Variants in ABCA1 observed in about 807,000 individuals in gnomAD.
ABCA1 encodes the protein phospholipid-transporting ATPase ABCA1.
Under a neutral mutation model 262.5 loss-of-function variants are expected in ABCA1, and 133 were observed. That is an observed-to-expected ratio of 0.51 (90% CI 0.44 to 0.59). The LOEUF (loss-of-function observed/expected upper bound fraction) is 0.59. ABCA1 is among the 20% of genes least tolerant of loss of function. The pLI is 0.00. For missense variants in ABCA1, 2,452 were observed against 2,777.5 expected, an observed-to-expected ratio of 0.88 and a Z score of 2.63; for synonymous variants, 1,022 against 1,043.5, an observed-to-expected ratio of 0.98 and a Z score of 0.40.
intron 7 of ABCA1, chr9:104,855,198 CT>C (rs1183992870): frequency 9.2e-6 from 9 of 980,822 alleles, no homozygotes; most frequent in African/African-American, 3.5e-5. Flanking sequence ...AAACTTCTAT[CT>C]TTTTTTTCTT....
At chr9:104,805,530 A>T (rs74531033) in intron 31 of ABCA1, among the ~76,000 whole-genome samples, 1 of 152,174 alleles carries the variant, frequency 6.6e-6, no homozygotes, top group South Asian at 2.1e-4. Context: ...GAAAAAAAAA[A>T]TGGCTCAGGA....
At position 104,817,397 on chromosome 9, in the gene ABCA1, C is replaced by T. The variant is rs200664068; in HGVS notation, c.3470G>A (p.Ser1157Asn). Residue 1157 changes from serine to asparagine, a missense_variant, in exon 24 of 50, where the codon AGT becomes AAT. Ser to Asn is a conservative substitution (Grantham distance 46). This residue lies in a region of ABCA1 where 665 missense variants were observed against 727.3 expected (regional missense o/e 0.91). Coordinates refer to ENST00000374736, the MANE Select transcript of ABCA1 (RefSeq NM_005502.4). The surrounding 1 kb of genome is among the most constrained non-coding windows in gnomAD (Gnocchi z 4.7). ...STVSYLKKED[S>N]VSQSSSDAGL... is the part of the protein sequence containing the mutation. ...AGCATCAGAACTGCTCTGAGAAACA[C>T]TGTCCTCCTGATGGCAAAGAAGGAG... The T allele has an allele frequency of 5.3e-5, 85 of 1,614,244 alleles. 1 individual carries two copies. The East Asian group carries it at 6.7e-4, about 13-fold the overall frequency.
chr9:104,811,295 G>T (rs151296094), intron 28 of ABCA1, among the ~76,000 whole-genome samples: 41 of 152,300 alleles, frequency 2.7e-4, no homozygotes, highest in Non-Finnish European at 4.9e-4. Context: ...CCAGGACCAG[G>T]AGCCAGAAGT....
chr9:104,900,515 C>A (rs1238574410), intron 2 of ABCA1, among the ~76,000 whole-genome samples: 1 of 152,290 alleles, frequency 6.6e-6, no homozygotes, highest in East Asian at 1.9e-4. Context: ...TAACAAGTGG[C>A]CCCAAAACCC....
intron 5 of ABCA1, among the ~76,000 whole-genome samples, chr9:104,877,743 C>T (rs138628607): frequency 2.6e-5 from 4 of 152,158 alleles, no homozygotes; most frequent in African/African-American, 9.7e-5. Context: ...AAACTCTGGG[C>T]CAGAAAGAAT....
chr9:104,806,128 A>C, intron 31 of ABCA1, 113 bp downstream of exon 31: 1 of 1,193,026 alleles, frequency 8.4e-7, no homozygotes, highest in Non-Finnish European at 1.2e-6. Flanking sequence ...AAAAACAAAA[A>C]AGACTGAAAC....
At position 104,837,306 on chromosome 9, in the gene ABCA1, C is replaced by T. The variant is rs1253857085; in HGVS notation, c.1194+122G>A. 10 of 1,392,054 alleles carry T rather than the reference C, an allele frequency of 7.2e-6. No individual in the cohort carries two copies. In the South Asian group the frequency reaches 1.2e-4, roughly 16 times the overall value. The allele number at this position is 1,392,054 out of a possible 1,614,324, so 86.2% of individuals were successfully genotyped here. A position where few individuals can be genotyped will look rare whatever the true frequency, so the allele number is the denominator to read the frequency against. ...GTCTGCATCAGACTTGAGGTTTTCA[C>T]TCTGGGAATTCCAGAAGAGCCGTGA... On this transcript the variant is annotated intron_variant, in intron 10 of 49. Coordinates refer to ENST00000374736, the MANE Select transcript of ABCA1 (RefSeq NM_005502.4).
At chr9:104,895,314 A>G (rs1312913819) in intron 2 of ABCA1, among the ~76,000 whole-genome samples, 6 of 152,248 alleles carry the variant, frequency 3.9e-5, no homozygotes, top group Non-Finnish European at 7.3e-5. Context: ...ATGAGCAGGC[A>G]CTGCTAGAGC....
Position 104,781,192 on chromosome 9 carries a change from T to C in ABCA1, c.*3123A>G, listed in dbSNP as rs1317388865. On this transcript the variant is annotated 3_prime_UTR_variant, in exon 50 of 50. Coordinates refer to ENST00000374736, the MANE Select transcript of ABCA1 (RefSeq NM_005502.4). Reference sequence around the variant, plus strand: ...TTTGTCTAGTTTTGCAATTCTCAGATATTCCAGTGCAAAAATAGATCCCAT... The same window carrying C: ...TTTGTCTAGTTTTGCAATTCTCAGACATTCCAGTGCAAAAATAGATCCCAT... 6.6e-6 allele frequency: 1 copy of C among 152,644 alleles called. No homozygotes were observed. The highest frequency in any genetic ancestry group is 2.4e-5 in the African/African-American group (1 of 41,452). 9.5% of individuals were successfully genotyped at this position (152,644 alleles called of 1,614,324 possible).
At chr9:104,814,080 C>T (rs1281477288) in intron 27 of ABCA1, 38 bp downstream of exon 27, 3 of 1,597,774 alleles carry the variant, frequency 1.9e-6, no homozygotes, top group Admixed American at 3.3e-5. Flanking sequence ...ATTTCACATT[C>T]AAACAGTAGG....
chr9:104,923,310 G>C (rs1000806371), intron 1 of ABCA1, among the ~76,000 whole-genome samples: 2 of 152,100 alleles, frequency 1.3e-5, no homozygotes, highest in African/African-American at 4.8e-5. Flanking sequence ...AGATCACATA[G>C]GAAAACATTT....
intron 5 of ABCA1, among the ~76,000 whole-genome samples, chr9:104,868,143 T>A (rs946381044): frequency 1.3e-5 from 2 of 152,144 alleles, no homozygotes; most frequent in Non-Finnish European, 2.9e-5. Context: ...GTGGATCAAC[T>A]GAGGTCGGAA....
chr9:104,807,863 CACACACACACACAT>C (rs1194514619), intron 30 of ABCA1, among the ~76,000 whole-genome samples: 30 of 145,766 alleles, frequency 2.1e-4, no homozygotes, highest in African/African-American at 7.4e-4. Context: ...CACACACACA[CACACACACACACAT>C]ATATATATTA....
chr9:104,925,602 GAA>G (rs1158716623), intron 1 of ABCA1, among the ~76,000 whole-genome samples: 1 of 152,244 alleles, frequency 6.6e-6, no homozygotes, highest in East Asian at 1.9e-4. Context: ...TAGTCATCGT[GAA>G]GGCTGAAGAC....
chr9:104,816,346 C>T lies in ABCA1; in HGVS notation c.3536-1G>A. 6.2e-7 allele frequency: 1 copy of T among 1,613,394 alleles called. No homozygotes were observed. Among genetic ancestry groups the T allele is most frequent in the Non-Finnish European group, 8.5e-7 (1 of 1,179,944 alleles). ...ATGAGGTTGGAGATAGCAGAGACAT[C>T]TGCAGGGACCAGAATGCAAAGATGG... On this transcript the variant is annotated splice_acceptor_variant, in intron 24 of 49. Coordinates refer to ENST00000374736, the MANE Select transcript of ABCA1 (RefSeq NM_005502.4). LOFTEE classifies it high-confidence loss of function.
chr9:104,817,545 C>G lies in ABCA1; in HGVS notation c.3463-141G>C. On this transcript the variant is annotated intron_variant, in intron 23 of 49. Transcript: ENST00000374736. The surrounding 1 kb of genome is among the most constrained non-coding windows in gnomAD (Gnocchi z 4.7). Reference sequence around the variant, plus strand: ...GCTTTCCCTGGGACACATGCACTGGCAGCCGTGGCTTCAGAGGACCCTGTC... The same window carrying G: ...GCTTTCCCTGGGACACATGCACTGGGAGCCGTGGCTTCAGAGGACCCTGTC... 1.1e-6 allele frequency: 1 copy of G among 889,454 alleles called. No individual in the cohort carries two copies. Among genetic ancestry groups the G allele is most frequent in the Non-Finnish European group, 1.8e-6 (1 of 555,234 alleles). The allele number at this position is 889,454 out of a possible 1,614,324, so 55.1% of individuals were successfully genotyped here. A position where few individuals can be genotyped will look rare whatever the true frequency, so the allele number is the denominator to read the frequency against.
rs148190672 is a variant in ABCA1 at position 104,903,591 on chromosome 9, G to A, written c.66+23C>T. The A allele has an allele frequency of 1.1e-3, 1,768 of 1,570,644 alleles. 12 individuals carry two copies. The African/African-American group carries it at 0.02, about 18-fold the overall frequency. On this transcript the variant is annotated intron_variant, in intron 2 of 49. Coordinates refer to ENST00000374736, the MANE Select transcript of ABCA1 (RefSeq NM_005502.4). ...CAAAGAAAAAATGAGAGAACCCCCC[G>A]CTGCTGAAAAACCCAAGCTTACTGT...
At chr9:104,875,213 T>C (rs2119150166) in intron 5 of ABCA1, among the ~76,000 whole-genome samples, 1 of 151,740 alleles carries the variant, frequency 6.6e-6, no homozygotes, top group Non-Finnish European at 1.5e-5. Context: ...TGTTGTGGCA[T>C]GCGCCTGTAA....
At chr9:104,840,078 G>A (rs1229424227) in intron 9 of ABCA1, among the ~76,000 whole-genome samples, 1 of 152,230 alleles carries the variant, frequency 6.6e-6, no homozygotes, top group African/African-American at 2.4e-5. Flanking sequence ...CACCTGAGAT[G>A]TGCCAGGCTG....
Sources: gnomAD v4.1 joint callset for allele counts (sites outside exome capture counted in the v4.1 genomes callset) on GRCh38, gnomAD v4.1.1 for gene constraint, gnomAD v4.1.1 regional missense constraint, Gnocchi (gnomAD v3.1) non-coding constraint, MANE v1.5 for transcripts, NCBI Gene and HGNC (gene_info 2026-07-23, HGNC 2026-07-21) for gene names.